Variants in MAGI2 observed in about 807,000 individuals in gnomAD.
MAGI2 encodes membrane-associated guanylate kinase, WW and PDZ domain-containing protein 2.
MAGI2 carries 35 observed loss-of-function variants against 133.3 expected under a neutral mutation model. The ratio of observed to expected loss-of-function variants is 0.26; its 90% CI spans 0.20 to 0.35. The LOEUF (loss-of-function observed/expected upper bound fraction) is 0.35. MAGI2 is among the 10% of genes least tolerant of loss of function. MAGI2 has a pLI of 1.00. For synonymous variants in MAGI2, 729 were observed against 710.6 expected (o/e 1.03, Z -0.41); for missense variants, 1,636 against 1,863.4 (o/e 0.88, Z 2.25).
At chr7:78,682,398 A>G (rs1158273115) in intron 2 of MAGI2, among the ~76,000 whole-genome samples, 1 of 151,802 alleles carries the variant, frequency 6.6e-6, no homozygotes, top group Non-Finnish European at 1.5e-5. Flanking sequence ...AGCAGGCCCC[A>G]GTGTGTGATG....
At chr7:79,113,511 T>C (rs1418772987) in intron 1 of MAGI2, among the ~76,000 whole-genome samples, 1 of 152,194 alleles carries the variant, frequency 6.6e-6, no homozygotes, top group Non-Finnish European at 1.5e-5. Flanking sequence ...GAATAACAGA[T>C]GCAAAGTGAT....
At chr7:79,015,421 C>T (rs7789063) in intron 1 of MAGI2, among the ~76,000 whole-genome samples, 102,621 of 152,026 alleles carry the variant, frequency 0.68, 34,802 homozygotes, top group Non-Finnish European at 0.7. Context: ...ATGGCTTTAT[C>T]CTTAAAAGTA....
intron 2 of MAGI2, among the ~76,000 whole-genome samples, chr7:78,806,011 G>A (rs1215272264): frequency 1.3e-5 from 2 of 152,130 alleles, no homozygotes; most frequent in Non-Finnish European, 2.9e-5. Flanking sequence ...GAAAAAAAAG[G>A]TTTATTTTTG....
chr7:79,262,453 C>T (rs1378022999), intron 1 of MAGI2, among the ~76,000 whole-genome samples: 1 of 152,186 alleles, frequency 6.6e-6, no homozygotes, highest in Admixed American at 6.5e-5. Flanking sequence ...CTTGCCTGTG[C>T]ACTCATCTCC....
chr7:78,670,642 G>A (rs183287161), intron 2 of MAGI2, among the ~76,000 whole-genome samples: 35 of 152,194 alleles, frequency 2.3e-4, no homozygotes, highest in East Asian at 1.9e-4. Flanking sequence ...GAACAAAGCC[G>A]GAGGCATCAC....
At chr7:79,378,070 C>T (rs1473189601) in intron 1 of MAGI2, among the ~76,000 whole-genome samples, 2 of 151,774 alleles carry the variant, frequency 1.3e-5, no homozygotes, top group Non-Finnish European at 2.9e-5. Flanking sequence ...CTTCTAAGTT[C>T]TCAAATTTTG....
At chr7:78,206,095 G>C (rs572123521) in intron 10 of MAGI2, among the ~76,000 whole-genome samples, 2 of 152,266 alleles carry the variant, frequency 1.3e-5, no homozygotes, top group South Asian at 2.1e-4. Context: ...CTGAAGTGGA[G>C]ATCCCCTCTC....
chr7:79,357,215 A>G (rs1219124690), intron 1 of MAGI2, among the ~76,000 whole-genome samples: 1 of 152,186 alleles, frequency 6.6e-6, no homozygotes, highest in Admixed American at 6.5e-5. Context: ...ACAGCTAAAG[A>G]AAGAGTCAAA....
intron 2 of MAGI2, among the ~76,000 whole-genome samples, chr7:78,906,604 G>A (rs781683648): frequency 6.6e-6 from 1 of 152,062 alleles, no homozygotes; most frequent in Non-Finnish European, 1.5e-5. Context: ...TCCTTATAAT[G>A]TTCCTAGTGA....
chr7:79,431,172 A>C (rs117655142), intron 1 of MAGI2, among the ~76,000 whole-genome samples: 3,863 of 152,316 alleles, frequency 0.025, 76 homozygotes, highest in Non-Finnish European at 0.039. Flanking sequence ...TACTAGAATG[A>C]AACACCTGAG....
intron 2 of MAGI2, among the ~76,000 whole-genome samples, chr7:78,923,117 C>T (rs939783171): frequency 2.1e-4 from 32 of 152,050 alleles, no homozygotes; most frequent in South Asian, 2.1e-4. Context: ...GAGTAGGTTG[C>T]AAAAATTTTC....
intron 1 of MAGI2, among the ~76,000 whole-genome samples, chr7:79,292,633 C>CA (rs1041476983): frequency 9.7e-5 from 14 of 144,494 alleles, no homozygotes; most frequent in Non-Finnish European, 1.4e-4. Context: ...ACCCTGCCAC[C>CA]AAAAAAAAAT....
chr7:79,119,722 G>A (rs550635851), intron 1 of MAGI2, among the ~76,000 whole-genome samples: 6 of 152,034 alleles, frequency 3.9e-5, no homozygotes, highest in African/African-American at 1.4e-4. Context: ...ATACTGTACT[G>A]CTTTTTACAG....
intron 9 of MAGI2, among the ~76,000 whole-genome samples, chr7:78,340,018 AT>A (rs569968197): frequency 2.6e-5 from 4 of 151,976 alleles, no homozygotes; most frequent in African/African-American, 7.3e-5. Flanking sequence ...GAATACCTCA[AT>A]TTTTTTTGTT....
At chr7:78,130,358 A>G (rs1179696922) in intron 18 of MAGI2, among the ~76,000 whole-genome samples, 1 of 152,150 alleles carries the variant, frequency 6.6e-6, no homozygotes, top group Admixed American at 6.5e-5. Context: ...TTGTCATTTT[A>G]TTTTATCCCG....
chr7:78,264,456 C>T (rs1023763220), intron 9 of MAGI2, among the ~76,000 whole-genome samples: 2 of 152,074 alleles, frequency 1.3e-5, no homozygotes, highest in African/African-American at 4.8e-5. Context: ...AGATGAACTG[C>T]AATATTCTTT....
intron 1 of MAGI2, among the ~76,000 whole-genome samples, chr7:79,172,160 T>G (rs932642564): frequency 6.6e-6 from 1 of 151,942 alleles, no homozygotes; most frequent in Non-Finnish European, 1.5e-5. Context: ...TTAGAACTTG[T>G]GAACATGTAA....
intron 3 of MAGI2, among the ~76,000 whole-genome samples, chr7:78,567,415 C>CAT (rs1237258727): frequency 6.6e-6 from 1 of 151,966 alleles, no homozygotes; most frequent in Non-Finnish European, 1.5e-5. Context: ...CACACACACA[C>CAT]ACACAACCGC....
chr7:79,259,571 C>T (rs1422945412), intron 1 of MAGI2, among the ~76,000 whole-genome samples: 8 of 152,148 alleles, frequency 5.3e-5, no homozygotes, highest in South Asian at 2.1e-4. Flanking sequence ...GTACACAATC[C>T]GTAAGTGGTA....
Sources: gnomAD v4.1 joint callset for allele counts (sites outside exome capture counted in the v4.1 genomes callset) on GRCh38, gnomAD v4.1.1 for gene constraint, MANE v1.5 for transcripts, NCBI Gene and HGNC (gene_info 2026-07-23, HGNC 2026-07-21) for gene names.